Variants in NAV2 observed in about 807,000 individuals in gnomAD.
The protein encoded by NAV2 is neuron navigator 2.
NAV2 carries 54 observed loss-of-function variants against 223.2 expected under a neutral mutation model. That is an observed-to-expected ratio of 0.24 (90% confidence interval 0.19 to 0.30). The LOEUF is 0.30. Ranked by LOEUF, NAV2 falls within the 10% of genes least tolerant of loss-of-function variation. NAV2 has a pLI of 1.00. For synonymous variants in NAV2, 1,279 were observed against 1,239.3 expected, an observed-to-expected ratio of 1.03 and a Z score of -0.67; for missense variants, 2,806 against 3,147.5, an observed-to-expected ratio of 0.89 and a Z score of 2.60.
At chr11:19,688,312 T>G (rs1365433150) in intron 1 of NAV2, among the ~76,000 whole-genome samples, 1 of 152,212 alleles carries the variant, frequency 6.6e-6, no homozygotes, top group African/African-American at 2.4e-5. Context: ...GCTCAGAGTC[T>G]GAGCTAAACC....
At chr11:19,467,939 A>G (rs1852426133) in intron 1 of NAV2, among the ~76,000 whole-genome samples, 1 of 152,198 alleles carries the variant, frequency 6.6e-6, no homozygotes, top group South Asian at 2.1e-4. Context: ...AGGCTCAGAG[A>G]AGGGAGAGGC....
chr11:19,817,984 C>G (rs571742536), intron 1 of NAV2, among the ~76,000 whole-genome samples: 2 of 152,242 alleles, frequency 1.3e-5, no homozygotes, highest in South Asian at 2.1e-4. Flanking sequence ...CATCTCCAAG[C>G]CTTCTTGCCC....
chr11:19,937,331 T>G (rs1427234559), intron 7 of NAV2, among the ~76,000 whole-genome samples: 1 of 149,382 alleles, frequency 6.7e-6, no homozygotes, highest in Non-Finnish European at 1.5e-5. Flanking sequence ...TATGGTTCAC[T>G]ATATATAACT....
At chr11:19,787,321 G>T (rs1252762981) in intron 1 of NAV2, among the ~76,000 whole-genome samples, 1 of 118,854 alleles carries the variant, frequency 8.4e-6, no homozygotes, top group African/African-American at 3.4e-5. Flanking sequence ...TCAGCATGTT[G>T]CCAGAGCTGG....
At chr11:19,963,954 C>T (rs549198758) in intron 10 of NAV2, among the ~76,000 whole-genome samples, 2 of 152,264 alleles carry the variant, frequency 1.3e-5, no homozygotes, top group South Asian at 2.1e-4. Flanking sequence ...GGTTTCTAGA[C>T]ATGATACCCG....
chr11:19,955,717 A>G (rs2047794369), intron 10 of NAV2, among the ~76,000 whole-genome samples: 1 of 152,212 alleles, frequency 6.6e-6, no homozygotes, highest in Non-Finnish European at 1.5e-5. Context: ...AGCATAGAAC[A>G]TAGCAGACAG....
chr11:20,047,733 T>C (rs561935696), intron 14 of NAV2, among the ~76,000 whole-genome samples: 7 of 152,342 alleles, frequency 4.6e-5, no homozygotes, highest in East Asian at 1.9e-4. Flanking sequence ...GTCTTTACAA[T>C]ACTTGAGATT....
chr11:19,868,895 T>G lies in NAV2; in HGVS notation c.439-30T>G, dbSNP rs746804539. 82 of 1,607,896 alleles carry G rather than the reference T, an allele frequency of 5.1e-5. 1 individual carries two copies. Among genetic ancestry groups the G allele is most frequent in the Middle Eastern group, 1.6e-4 (1 of 6,070 alleles). ...GGCTCTGGAGAGGCTGAACATTTAT[T>G]AAGTATATATTGTTGTTTTTCCCTC... On this transcript the variant is annotated intron_variant, in intron 3 of 37. Coordinates refer to ENST00000349880, the MANE Select transcript of NAV2 (RefSeq NM_145117.5).
At chr11:19,982,907 A>G (rs1168553330) in intron 10 of NAV2, among the ~76,000 whole-genome samples, 1 of 152,222 alleles carries the variant, frequency 6.6e-6, no homozygotes, top group Non-Finnish European at 1.5e-5. Context: ...CATATATGCA[A>G]AAGTTAAAAT....
At position 20,055,588 on chromosome 11, in the gene NAV2, T is replaced by C. The variant is rs556136191; in HGVS notation, c.4643-181T>C. 1.6e-4 allele frequency among the ~76,000 whole-genome samples: 24 copies of C among 152,334 alleles called. No homozygotes were observed. The East Asian group carries it at 3.1e-3, about 20-fold the overall frequency. On this transcript the variant is annotated intron_variant, in intron 18 of 37. Coordinates refer to ENST00000349880, the MANE Select transcript of NAV2 (RefSeq NM_145117.5). ...TTGGAGCTGACCTGCCTTTTTACTC[T>C]TATTTTTAGCTCCCGGTGTGTAACT... is the stretch of plus-strand genomic sequence containing the variant.
intron 1 of NAV2, among the ~76,000 whole-genome samples, chr11:19,570,538 G>T (rs1375081389): frequency 6.6e-6 from 1 of 152,094 alleles, no homozygotes; most frequent in African/African-American, 2.4e-5. Flanking sequence ...CATATATCTG[G>T]TAAGTCTAGT....
chr11:19,353,073 G>T (rs1853416343), intron 1 of NAV2, among the ~76,000 whole-genome samples: 1 of 152,114 alleles, frequency 6.6e-6, no homozygotes, highest in African/African-American at 2.4e-5. Context: ...TCCTCTTCAG[G>T]GGGGATTGGC....
chr11:19,348,840 G>A (rs1322385407), upstream of NAV2, among the ~76,000 whole-genome samples: 3 of 152,176 alleles, frequency 2.0e-5, no homozygotes, highest in Non-Finnish European at 2.9e-5. Context: ...CTGCAGTGTT[G>A]AGATTTGAAC....
intron 1 of NAV2, among the ~76,000 whole-genome samples, chr11:19,430,740 T>C (rs1158113906): frequency 6.6e-6 from 1 of 152,182 alleles, no homozygotes; most frequent in Non-Finnish European, 1.5e-5. Context: ...GCCGTGTGGA[T>C]CAGTTGACAG....
intron 1 of NAV2, among the ~76,000 whole-genome samples, chr11:19,470,407 G>A (rs1201369580): frequency 6.6e-6 from 1 of 152,188 alleles, no homozygotes; most frequent in African/African-American, 2.4e-5. Flanking sequence ...AATTTATAAA[G>A]AATAGAGATT....
intron 3 of NAV2, among the ~76,000 whole-genome samples, chr11:19,866,141 T>C (rs2062077510): frequency 6.6e-6 from 1 of 152,250 alleles, no homozygotes; most frequent in South Asian, 2.1e-4. Flanking sequence ...ACAATGATGT[T>C]GACTGAATGA....
At chr11:19,877,616 G>C (rs543132612) in intron 4 of NAV2, among the ~76,000 whole-genome samples, 1 of 151,556 alleles carries the variant, frequency 6.6e-6, no homozygotes, top group Non-Finnish European at 1.5e-5. Context: ...GGGACCACAC[G>C]CGCCCGCCAC....
chr11:19,473,359 G>A (rs931819572), intron 1 of NAV2, among the ~76,000 whole-genome samples: 1 of 151,872 alleles, frequency 6.6e-6, no homozygotes, highest in African/African-American at 2.4e-5. Flanking sequence ...AGGGGGTGGG[G>A]GGAGAGGCTT....
At chr11:19,784,466 A>AATT (rs1006780191) in intron 1 of NAV2, among the ~76,000 whole-genome samples, 101 of 147,694 alleles carry the variant, frequency 6.8e-4, no homozygotes, top group African/African-American at 2.2e-3. Flanking sequence ...TAATAATAGT[A>AATT]ATTATTATTA....
Sources: allele counts gnomAD v4.1 joint callset (sites outside exome capture counted in the v4.1 genomes callset), GRCh38; gene constraint gnomAD v4.1.1; transcripts MANE v1.5; gene names NCBI Gene and HGNC (gene_info 2026-07-23, HGNC 2026-07-21).